SLC24A2: variants seen among roughly 807,000 people sequenced by gnomAD.
The protein encoded by SLC24A2 is sodium/potassium/calcium exchanger 2.
In SLC24A2, 36 loss-of-function variants were observed where a neutral mutation model predicts 62.0. The observed-to-expected ratio is 0.58, with a 90% CI of 0.44 to 0.77. The LOEUF is 0.77. SLC24A2 is among the 30% of genes least tolerant of loss of function. SLC24A2 has a pLI of 0.00. For missense variants in SLC24A2, 846 were observed against 817.9 expected, an observed-to-expected ratio of 1.03 and a Z score of -0.42; for synonymous variants, 358 against 294.0, an observed-to-expected ratio of 1.22 and a Z score of -2.23.
chr9:19,861,244 G>C, the SLC24A2 span, among the ~76,000 whole-genome samples: 3 of 152,144 alleles, frequency 2.0e-5, no homozygotes, highest in Admixed American at 1.3e-4. Context: ...AGCAGAAAAA[G>C]AGATTCCATT....
the SLC24A2 span, among the ~76,000 whole-genome samples, chr9:20,237,203 G>T: frequency 1.3e-5 from 2 of 152,148 alleles, no homozygotes; most frequent in African/African-American, 4.8e-5. Context: ...CATTTGTTCT[G>T]CTTGAGCATA....
the SLC24A2 span, among the ~76,000 whole-genome samples, chr9:20,081,398 T>C: frequency 6.8e-6 from 1 of 146,246 alleles, no homozygotes; most frequent in Admixed American, 7.2e-5. Context: ...AAACACCGCA[T>C]GTTCTCACTC....
the SLC24A2 span, among the ~76,000 whole-genome samples, chr9:19,859,478 G>A: frequency 2.4e-4 from 37 of 152,006 alleles, 1 homozygote; most frequent in African/African-American, 7.5e-4. Context: ...AAACGTGCAC[G>A]TGTATCCCTG....
the SLC24A2 span, among the ~76,000 whole-genome samples, chr9:19,992,416 T>C: frequency 6.6e-6 from 1 of 152,180 alleles, no homozygotes; most frequent in Non-Finnish European, 1.5e-5. Context: ...GCATCATGAG[T>C]TGAAAATGCA....
At chr9:19,965,106 G>T in the SLC24A2 span, among the ~76,000 whole-genome samples, 1 of 152,114 alleles carries the variant, frequency 6.6e-6, no homozygotes, top group Admixed American at 6.5e-5. Flanking sequence ...ACGAGAAAGA[G>T]CGTTGGAGGC....
intron 2 of SLC24A2, among the ~76,000 whole-genome samples, chr9:19,644,114 C>G (rs1336340009): frequency 1.3e-5 from 2 of 152,178 alleles, no homozygotes; most frequent in Non-Finnish European, 2.9e-5. Context: ...GTAATAGCAT[C>G]TCCCATTGAA....
the SLC24A2 span, among the ~76,000 whole-genome samples, chr9:19,821,694 A>T: frequency 6.6e-6 from 1 of 152,118 alleles, no homozygotes; most frequent in Non-Finnish European, 1.5e-5. Context: ...TTCTAATAAG[A>T]TTTAAGTTGA....
At chr9:19,860,857 C>T in the SLC24A2 span, among the ~76,000 whole-genome samples, 1 of 152,136 alleles carries the variant, frequency 6.6e-6, no homozygotes, top group Non-Finnish European at 1.5e-5. Flanking sequence ...GACTTTTCTG[C>T]CTTTGGAAAG....
At chr9:19,562,571 G>T (rs2132809747) in intron 7 of SLC24A2, among the ~76,000 whole-genome samples, 1 of 152,194 alleles carries the variant, frequency 6.6e-6, no homozygotes, top group African/African-American at 2.4e-5. Flanking sequence ...TAAGCAGTTG[G>T]TAAATATTTT....
chr9:19,922,470 C>T, the SLC24A2 span, among the ~76,000 whole-genome samples: 66 of 152,122 alleles, frequency 4.3e-4, no homozygotes, highest in Non-Finnish European at 8.5e-4. Flanking sequence ...ATAATTCAAG[C>T]AGAGTTGAAA....
the SLC24A2 span, among the ~76,000 whole-genome samples, chr9:19,897,913 C>T: frequency 1.3e-5 from 2 of 152,206 alleles, no homozygotes; most frequent in African/African-American, 2.4e-5. Flanking sequence ...ATTTTTACCA[C>T]GCGTGTTATT....
chr9:19,668,814 T>G (rs116620999), intron 2 of SLC24A2, among the ~76,000 whole-genome samples: 4 of 152,244 alleles, frequency 2.6e-5, no homozygotes, highest in Non-Finnish European at 5.9e-5. Flanking sequence ...ATTTCTTCTT[T>G]GTTAAACTGA....
the SLC24A2 span, among the ~76,000 whole-genome samples, chr9:19,819,081 CA>C: frequency 6.6e-6 from 1 of 151,908 alleles, no homozygotes. Flanking sequence ...AAAGCAAACA[CA>C]GACATAAAGT....
At chr9:19,798,801 T>C in the SLC24A2 span, among the ~76,000 whole-genome samples, 1 of 152,242 alleles carries the variant, frequency 6.6e-6, no homozygotes, top group Non-Finnish European at 1.5e-5. Context: ...TCTATAGCTA[T>C]AGCTATTTAT....
At chr9:19,900,158 AT>A in the SLC24A2 span, among the ~76,000 whole-genome samples, 1 of 152,286 alleles carries the variant, frequency 6.6e-6, no homozygotes, top group African/African-American at 2.4e-5. Flanking sequence ...AATGCAATGG[AT>A]TACAGGGCCC....
chr9:19,785,843 C>T, intron 2 of SLC24A2, 94 bp downstream of exon 2: 2 of 1,523,442 alleles, frequency 1.3e-6, no homozygotes. Flanking sequence ...GAGCCCCAAA[C>T]ACCATCACAT....
intron 2 of SLC24A2, among the ~76,000 whole-genome samples, chr9:19,664,522 C>T (rs775598891): frequency 2.6e-5 from 4 of 152,194 alleles, no homozygotes; most frequent in Non-Finnish European, 4.4e-5. Context: ...AGTTATCAGG[C>T]AAATCTGGTG....
chr9:20,043,120 C>G, the SLC24A2 span, among the ~76,000 whole-genome samples: 1 of 152,148 alleles, frequency 6.6e-6, no homozygotes, highest in South Asian at 2.1e-4. Flanking sequence ...AATGATTAAG[C>G]TTAGTGAGGA....
At chr9:19,866,822 A>T in the SLC24A2 span, among the ~76,000 whole-genome samples, 5 of 151,896 alleles carry the variant, frequency 3.3e-5, 1 homozygote, top group African/African-American at 9.7e-5. Flanking sequence ...TTTTTAGTAG[A>T]GACGGGGTCA....
Sources: allele counts gnomAD v4.1 joint callset (sites outside exome capture counted in the v4.1 genomes callset), GRCh38; gene constraint gnomAD v4.1.1; transcripts MANE v1.5; gene names NCBI Gene and HGNC (gene_info 2026-07-23, HGNC 2026-07-21).